The following ADAMTS3 variants were observed in gnomAD, a reference collection of about 807,000 sequenced individuals.
ADAMTS3 encodes the protein ADAM metallopeptidase with thrombospondin type 1 motif 3.
Under a neutral mutation model 129.0 loss-of-function variants are expected in ADAMTS3, and 73 were observed. That is an observed-to-expected ratio of 0.57 (90% CI 0.47 to 0.69). The LOEUF is 0.69. Among genes scored for constraint, ADAMTS3 ranks in the 30% least tolerant of loss-of-function variants. The pLI is 0.00. For missense variants in ADAMTS3, 1,457 were observed against 1,514.5 expected (o/e 0.96, Z 0.63); for synonymous variants, 477 against 510.8 (o/e 0.93, Z 0.89).
At chr4:72,527,080 C>G (rs1280816215) in intron 3 of ADAMTS3, among the ~76,000 whole-genome samples, 1 of 151,972 alleles carries the variant, frequency 6.6e-6, no homozygotes, top group African/African-American at 2.4e-5. Context: ...GATAAAACAT[C>G]CATGGTAACT....
rs866019388 is a variant in ADAMTS3, at chr4:72,550,038, A to G, written c.98-1154T>C. Among the ~76,000 whole-genome samples the G allele has an allele frequency of 2.0e-3, 21 of 10,450 alleles. 3 individuals are homozygous for G. The highest frequency in any genetic ancestry group is 7.5e-3 in the East Asian group (2 of 266). 6.9% of individuals were successfully genotyped at this position (10,450 alleles called of 152,430 possible). A position where few individuals can be genotyped will look rare whatever the true frequency, so the allele number is the denominator to read the frequency against. On this transcript the variant is annotated intron_variant, in intron 2 of 21. Transcript: ENST00000286657. ...GAAGAAGAAGAAGAAGAAGAAGAAG[A>G]AGAAGAGGAAGAGGAAGAGGAAGAG...
intron 5 of ADAMTS3, 120 bp downstream of exon 5, chr4:72,339,374 C>G (rs16847841): frequency 2.0e-5 from 16 of 811,354 alleles, no homozygotes; most frequent in Non-Finnish European, 3.0e-5. Flanking sequence ...AAATTTAATG[C>G]CATCATGCAC....
Position 72,320,839 on chromosome 4 carries a change from G to C in ADAMTS3, c.977C>G (p.Ser326Cys). Reference protein sequence around the residue: ...SISLIERGNPSRSLENVCRWA... With the variant: ...SISLIERGNPCRSLENVCRWA... ...GCGACACACATTCTCCAAGCTTCTG[G>C]ATGGGTTTCCCCTTTCTATGAGGCT... The change falls in exon 7 of 22, where the codon TCC becomes TGC. Residue 326 changes from serine (S) to cysteine (C), a missense_variant. By Grantham distance (112) the Ser-to-Cys change is moderately radical. Transcript: ENST00000286657. The C allele has an allele frequency of 6.2e-7, 1 of 1,613,930 alleles. No homozygotes were observed. Among genetic ancestry groups the C allele is most frequent in the South Asian group, 1.1e-5 (1 of 91,084 alleles).
chr4:72,314,506 T>C (rs546757692), intron 11 of ADAMTS3, among the ~76,000 whole-genome samples: 1 of 152,268 alleles, frequency 6.6e-6, no homozygotes, highest in Non-Finnish European at 1.5e-5. Context: ...CAAGAGACAT[T>C]AGCCATTTTC....
intron 15 of ADAMTS3, among the ~76,000 whole-genome samples, chr4:72,308,295 C>CT: frequency 2.0e-5 from 3 of 151,750 alleles, no homozygotes; most frequent in Non-Finnish European, 4.4e-5. Flanking sequence ...ATAGCAAAGA[C>CT]ATCAGTAACA....
intron 4 of ADAMTS3, among the ~76,000 whole-genome samples, chr4:72,389,819 A>G (rs1178359597): frequency 6.6e-6 from 1 of 152,178 alleles, no homozygotes; most frequent in African/African-American, 2.4e-5. Flanking sequence ...TCAATCACAA[A>G]TGCTCCACAC....
intron 3 of ADAMTS3, among the ~76,000 whole-genome samples, chr4:72,537,258 T>C (rs1324112223): frequency 6.6e-6 from 1 of 152,196 alleles, no homozygotes; most frequent in Non-Finnish European, 1.5e-5. Flanking sequence ...TCTCCAAATA[T>C]CTGGGATCCA....
At chr4:72,515,828 C>A (rs1180125828) in intron 3 of ADAMTS3, among the ~76,000 whole-genome samples, 8 of 151,980 alleles carry the variant, frequency 5.3e-5, no homozygotes, top group Non-Finnish European at 1.0e-4. Context: ...TGTGCAGAAG[C>A]TCTTTAGTTT....
chr4:72,534,754 C>T (rs1721145019), intron 3 of ADAMTS3, among the ~76,000 whole-genome samples: 1 of 152,128 alleles, frequency 6.6e-6, no homozygotes, highest in Non-Finnish European at 1.5e-5. Context: ...GCCATGAATA[C>T]AGCCCATATT....
chr4:72,436,923 T>G (rs905842777), intron 3 of ADAMTS3, among the ~76,000 whole-genome samples: 1 of 151,900 alleles, frequency 6.6e-6, no homozygotes, highest in African/African-American at 2.4e-5. Flanking sequence ...AGTTAATGGG[T>G]GCAGCACACC....
intron 3 of ADAMTS3, among the ~76,000 whole-genome samples, chr4:72,448,950 G>C (rs534209363): frequency 6.6e-6 from 1 of 151,452 alleles, no homozygotes; most frequent in Admixed American, 6.6e-5. Flanking sequence ...TAATAATCCT[G>C]TATTATTTTT....
At chr4:72,298,966 G>A (rs968116305) in intron 17 of ADAMTS3, among the ~76,000 whole-genome samples, 2 of 151,364 alleles carry the variant, frequency 1.3e-5, no homozygotes, top group African/African-American at 4.9e-5. Flanking sequence ...TGGAAAAATA[G>A]AAAGAAAACG....
intron 2 of ADAMTS3, among the ~76,000 whole-genome samples, chr4:72,556,375 G>C (rs1469154402): frequency 6.6e-6 from 1 of 151,666 alleles, no homozygotes; most frequent in Non-Finnish European, 1.5e-5. Flanking sequence ...ATCCCCTAGG[G>C]GATACCAGAT....
At chr4:72,456,646 G>C (rs1344513702) in intron 3 of ADAMTS3, among the ~76,000 whole-genome samples, 5 of 150,890 alleles carry the variant, frequency 3.3e-5, no homozygotes, top group Admixed American at 6.7e-5. Flanking sequence ...AACTCACATA[G>C]GCACCCACTA....
At chr4:72,414,029 C>A (rs1417106063) in intron 4 of ADAMTS3, among the ~76,000 whole-genome samples, 1 of 151,706 alleles carries the variant, frequency 6.6e-6, no homozygotes, top group Non-Finnish European at 1.5e-5. Context: ...TTCTAAATTA[C>A]TTATATTTAC....
chr4:72,409,486 GA>G (rs1166173791), intron 4 of ADAMTS3, among the ~76,000 whole-genome samples: 1 of 152,058 alleles, frequency 6.6e-6, no homozygotes, highest in East Asian at 1.9e-4. Flanking sequence ...ATTAATGCAA[GA>G]TCAAGAACTA....
chr4:72,560,404 T>C (rs974744653), intron 2 of ADAMTS3, among the ~76,000 whole-genome samples: 1 of 152,204 alleles, frequency 6.6e-6, no homozygotes, highest in Non-Finnish European at 1.5e-5. Context: ...ATTGCAGCAC[T>C]ATTCACAATA....
At chr4:72,416,811 T>G (rs1048279359) in intron 3 of ADAMTS3, among the ~76,000 whole-genome samples, 2 of 152,232 alleles carry the variant, frequency 1.3e-5, no homozygotes, top group Admixed American at 1.3e-4. Flanking sequence ...TTACCAGTAC[T>G]TTCAACACTC....
At chr4:72,421,157 C>T (rs62319884) in intron 3 of ADAMTS3, among the ~76,000 whole-genome samples, 11,627 of 152,278 alleles carry the variant, frequency 0.076, 575 homozygotes, top group Non-Finnish European at 0.1. Context: ...CATGTCCTAG[C>T]CTTGTCTATT....
Sources: allele counts gnomAD v4.1 joint callset (sites outside exome capture counted in the v4.1 genomes callset), GRCh38; gene constraint gnomAD v4.1.1; transcripts MANE v1.5; gene names NCBI Gene and HGNC (gene_info 2026-07-23, HGNC 2026-07-21).